Variants in GALNT17 observed in about 807,000 individuals in gnomAD.
GALNT17 encodes the protein polypeptide N-acetylgalactosaminyltransferase 17, also known as UDP-GalNAc:polypeptide N-acetylgalactosaminyltransferase-like 3.
GALNT17 carries 29 observed loss-of-function variants against 63.7 expected under a neutral mutation model. The observed-to-expected ratio is 0.46, with a 90% CI of 0.34 to 0.62. The LOEUF (loss-of-function observed/expected upper bound fraction) is 0.62, where lower values mean the gene tolerates loss of function less well. Ranked by LOEUF, GALNT17 falls within the 20% of genes least tolerant of loss-of-function variation. The pLI is 0.01. For synonymous variants in GALNT17, 305 were observed against 318.3 expected, an observed-to-expected ratio of 0.96 and a Z score of 0.45; for missense variants, 603 against 799.6, an observed-to-expected ratio of 0.75 and a Z score of 2.97.
At chr7:71,675,199 A>AAATAAAT (rs1791131455) in intron 8 of GALNT17, among the ~76,000 whole-genome samples, 2 of 152,042 alleles carry the variant, frequency 1.3e-5, no homozygotes, top group Admixed American at 1.3e-4. Flanking sequence ...AAAAAATAAA[A>AAATAAAT]AAGAAGCTCT....
At chr7:71,391,832 T>C (rs1286808457) in intron 3 of GALNT17, among the ~76,000 whole-genome samples, 1 of 152,146 alleles carries the variant, frequency 6.6e-6, no homozygotes, top group East Asian at 1.9e-4. Context: ...CTCACGGTTC[T>C]GCAGAATGTA....
Position 71,710,820 on chromosome 7 carries a change from C to T in GALNT17, c.1560C>T (p.Leu520=). The change falls in exon 10 of 11, where the codon CTC becomes CTT. Residue 520 remains leucine (L), a synonymous_variant. Transcript: ENST00000333538. ...LHLGALGTTT[L]LPDTRCLVDN... Reference sequence around the variant, plus strand: ...TGGGTGCCCTGGGGACCACCACACTCCTCCCTGACACCCGCTGCCTGGTGG... The same window carrying T: ...TGGGTGCCCTGGGGACCACCACACTTCTCCCTGACACCCGCTGCCTGGTGG... 3.1e-6 allele frequency: 5 copies of T among 1,613,654 alleles called. No individual in the cohort carries two copies. The highest frequency in any genetic ancestry group is 4.2e-6 in the Non-Finnish European group (5 of 1,179,962).
intron 6 of GALNT17, among the ~76,000 whole-genome samples, chr7:71,588,474 A>T (rs1281983992): frequency 1.3e-5 from 2 of 152,196 alleles, no homozygotes; most frequent in Admixed American, 1.3e-4. Flanking sequence ...CCTCCTTGAT[A>T]TAGACTATTA....
chr7:71,360,565 T>C (rs2527293), intron 2 of GALNT17, among the ~76,000 whole-genome samples: 4,782 of 152,298 alleles, frequency 0.031, 248 homozygotes, highest in African/African-American at 0.11. Flanking sequence ...TTTACTAAAT[T>C]TCAGATATCA....
At chr7:71,526,646 A>G (rs2116767807) in intron 5 of GALNT17, among the ~76,000 whole-genome samples, 1 of 152,218 alleles carries the variant, frequency 6.6e-6, no homozygotes, top group South Asian at 2.1e-4. Flanking sequence ...TAGCCTCCCA[A>G]GTAGCTGGGA....
At chr7:71,172,970 G>T (rs1442380759) in intron 1 of GALNT17, among the ~76,000 whole-genome samples, 1 of 152,178 alleles carries the variant, frequency 6.6e-6, no homozygotes, top group Admixed American at 6.5e-5. Flanking sequence ...GAGAGGAGCA[G>T]ATGCTAGAAT....
intron 2 of GALNT17, among the ~76,000 whole-genome samples, chr7:71,377,827 C>T (rs1355334709): frequency 6.6e-6 from 1 of 152,140 alleles, no homozygotes; most frequent in Non-Finnish European, 1.5e-5. Flanking sequence ...GGAAGTCCCT[C>T]CTTCCTTCTC....
rs561505870 is a variant in GALNT17, at chr7:71,323,668, C to T, written c.239-11882C>T. On this transcript the variant is annotated intron_variant, in intron 1 of 10. Coordinates refer to ENST00000333538, the MANE Select transcript of GALNT17 (RefSeq NM_022479.3). ...GATGATTTGACATGAGTTAATGAAA[C>T]GGCGCTTACCCATTTCTGACATGTC... is the stretch of plus-strand genomic sequence containing the variant. Among the ~76,000 whole-genome samples the T allele has an allele frequency of 1.7e-4, 26 of 152,268 alleles. No homozygotes were observed. In the East Asian group the frequency reaches 1.7e-3, roughly 10 times the overall value.
chr7:71,698,123 C>CAAAAAAAAAA (rs10708106), intron 9 of GALNT17, among the ~76,000 whole-genome samples: 4 of 107,738 alleles, frequency 3.7e-5, no homozygotes, highest in Non-Finnish European at 3.9e-5. Flanking sequence ...GACTCTGTCT[C>CAAAAAAAAAA]AAAAAAAAAA....
At chr7:71,203,058 CTT>C (rs934755537) in intron 1 of GALNT17, among the ~76,000 whole-genome samples, 3 of 152,070 alleles carry the variant, frequency 2.0e-5, no homozygotes, top group Admixed American at 6.6e-5. Flanking sequence ...TTGATGGACA[CTT>C]AGGTTGATTC....
chr7:71,300,793 C>T (rs1791181866), intron 1 of GALNT17: 3 of 177,816 alleles, frequency 1.7e-5, no homozygotes, highest in South Asian at 2.1e-4. Context: ...CTGCAGGGTA[C>T]ATTCCAGAGG....
At chr7:71,490,161 G>T (rs982237115) in intron 5 of GALNT17, among the ~76,000 whole-genome samples, 1 of 152,006 alleles carries the variant, frequency 6.6e-6, no homozygotes, top group Non-Finnish European at 1.5e-5. Flanking sequence ...GGAGGCTGAG[G>T]CAGGAGAATC....
At chr7:71,527,094 A>G (rs1328917534) in intron 5 of GALNT17, among the ~76,000 whole-genome samples, 1 of 152,156 alleles carries the variant, frequency 6.6e-6, no homozygotes, top group Non-Finnish European at 1.5e-5. Flanking sequence ...TCTGTATTGC[A>G]TCTAGAAGGC....
chr7:71,150,511 T>G (rs943007459), intron 1 of GALNT17, among the ~76,000 whole-genome samples: 1 of 151,342 alleles, frequency 6.6e-6, no homozygotes, highest in African/African-American at 2.4e-5. Context: ...TTTCGTTTTC[T>G]TTTTCTTTTT....
At chr7:71,478,430 C>T (rs1787760059) in intron 5 of GALNT17, among the ~76,000 whole-genome samples, 1 of 152,126 alleles carries the variant, frequency 6.6e-6, no homozygotes, top group South Asian at 2.1e-4. Flanking sequence ...CCTCCCCCCT[C>T]AGCCTCCCAA....
At chr7:71,423,278 G>A (rs1227524324) in intron 5 of GALNT17, among the ~76,000 whole-genome samples, 1 of 152,146 alleles carries the variant, frequency 6.6e-6, no homozygotes, top group Non-Finnish European at 1.5e-5. Context: ...TGCCCCTGTT[G>A]CATATCAAAA....
At chr7:71,667,008 AG>A (rs1392759983) in intron 7 of GALNT17, among the ~76,000 whole-genome samples, 1 of 152,204 alleles carries the variant, frequency 6.6e-6, no homozygotes, top group Non-Finnish European at 1.5e-5. Flanking sequence ...TGGCATGCTG[AG>A]AGTAGCACCT....
At chr7:71,181,253 TAA>T (rs34436643) in intron 1 of GALNT17, among the ~76,000 whole-genome samples, 10 of 134,972 alleles carry the variant, frequency 7.4e-5, no homozygotes, top group Admixed American at 7.5e-5. Flanking sequence ...AGACTCGTCT[TAA>T]AAAAAAAAAA....
intron 6 of GALNT17, among the ~76,000 whole-genome samples, chr7:71,641,866 A>C (rs1233937837): frequency 1.3e-5 from 2 of 152,160 alleles, no homozygotes; most frequent in Admixed American, 6.5e-5. Flanking sequence ...GCTGCTGATG[A>C]TGATGATGTT....
Sources: gnomAD v4.1 joint callset for allele counts (sites outside exome capture counted in the v4.1 genomes callset) on GRCh38, gnomAD v4.1.1 for gene constraint, MANE v1.5 for transcripts, NCBI Gene and HGNC (gene_info 2026-07-23, HGNC 2026-07-21) for gene names.